The following RAP1GAP2 variants were observed in gnomAD, a reference collection of about 807,000 sequenced individuals.
RAP1GAP2 encodes rap1 GTPase-activating protein 2.
In RAP1GAP2, 27 loss-of-function variants were observed where a neutral mutation model predicts 95.0. The ratio of observed to expected loss-of-function variants is 0.28; its 90% CI spans 0.21 to 0.39. The LOEUF is 0.39. Ranked by LOEUF, RAP1GAP2 falls within the 10% of genes least tolerant of loss-of-function variation. The probability of loss-of-function intolerance (pLI) is 1.00; values close to 1 mark genes in which losing one functional copy is unlikely to be tolerated. For synonymous variants in RAP1GAP2, 373 were observed against 380.9 expected, an observed-to-expected ratio of 0.98 and a Z score of 0.24; for missense variants, 771 against 970.0, an observed-to-expected ratio of 0.79 and a Z score of 2.72.
chr17:2,817,091 G>A (rs1178906596), intron 2 of RAP1GAP2, among the ~76,000 whole-genome samples: 4 of 109,396 alleles, frequency 3.7e-5, no homozygotes, highest in Admixed American at 9.4e-5. Flanking sequence ...AGGCTCAAGC[G>A]TTTCTCGTGC....
At chr17:3,007,788 G>C (rs961820235) in intron 16 of RAP1GAP2, among the ~76,000 whole-genome samples, 7 of 152,138 alleles carry the variant, frequency 4.6e-5, no homozygotes, top group East Asian at 1.9e-4. Flanking sequence ...GGACGACCCA[G>C]GGAGAAGGGC....
chr17:2,993,430 G>A (rs1489639652), intron 12 of RAP1GAP2, among the ~76,000 whole-genome samples: 23 of 136,800 alleles, frequency 1.7e-4, no homozygotes, highest in Admixed American at 8.7e-4. Context: ...AAAATTAGCC[G>A]GGCGTGGTGG....
At chr17:2,969,163 T>TCTATCTATCTATC (rs2044741061) in intron 8 of RAP1GAP2, among the ~76,000 whole-genome samples, 2 of 146,578 alleles carry the variant, frequency 1.4e-5, no homozygotes, top group Non-Finnish European at 3.0e-5. Context: ...ATATTTTTCT[T>TCTATCTATCTATC]TATCTATCTA....
chr17:2,848,482 G>A (rs2071680897), intron 2 of RAP1GAP2, among the ~76,000 whole-genome samples: 1 of 141,134 alleles, frequency 7.1e-6, no homozygotes, highest in Non-Finnish European at 1.5e-5. Context: ...GAGTTTTCCT[G>A]CATCTCTCTC....
chr17:3,033,172 T>C lies in RAP1GAP2; in HGVS notation c.*31-220T>C, dbSNP rs969585850. The C allele has an allele frequency of 6.6e-6, 1 of 152,536 alleles. No homozygotes were observed. Among genetic ancestry groups the C allele is most frequent in the Non-Finnish European group, 1.5e-5 (1 of 68,320 alleles). The allele number at this position is 152,536 out of a possible 1,614,324, so 9.4% of individuals were successfully genotyped here. ...TTCACCCCCGGCTCCCATCACGCAC[T>C]CTGGACGCCACTGCCCACCAAAGCC... On this transcript the variant is annotated intron_variant, in intron 24 of 24. Transcript: ENST00000254695. This position sits in a 1 kb window ranked among gnomAD's most constrained non-coding sequence, Gnocchi z 4.9.
At chr17:2,921,403 A>G (rs570386295) in intron 3 of RAP1GAP2, among the ~76,000 whole-genome samples, 20 of 152,060 alleles carry the variant, frequency 1.3e-4, no homozygotes, top group African/African-American at 4.6e-4. Context: ...GTGTTTTGCC[A>G]TGTTGGTCAG....
chr17:2,776,858 G>A (rs1238813384), upstream of RAP1GAP2, among the ~76,000 whole-genome samples: 1 of 151,472 alleles, frequency 6.6e-6, no homozygotes. Context: ...GGAGGAGGAG[G>A]GGGCTGGGCC....
chr17:2,997,510 T>C, intron 13 of RAP1GAP2, among the ~76,000 whole-genome samples: 1 of 152,318 alleles, frequency 6.6e-6, no homozygotes, highest in African/African-American at 2.4e-5. Flanking sequence ...CGCCTTGCCT[T>C]TTAAATATTC....
At chr17:3,025,960 G>C (rs375347868) in intron 19 of RAP1GAP2, 48 bp from the exon 20 acceptor site, 1 of 1,397,806 alleles carries the variant, frequency 7.2e-7, no homozygotes, top group Non-Finnish European at 1.0e-6. Context: ...ATGGGGTGGG[G>C]GTTGAGGGCT....
chr17:2,923,149 C>T (rs1430870993), intron 3 of RAP1GAP2, among the ~76,000 whole-genome samples: 2 of 151,540 alleles, frequency 1.3e-5, no homozygotes, highest in Admixed American at 6.6e-5. Context: ...AAGTGATTCT[C>T]CTGCCTCAGC....
chr17:2,956,856 T>C (rs567596750), intron 3 of RAP1GAP2, among the ~76,000 whole-genome samples: 24 of 152,142 alleles, frequency 1.6e-4, no homozygotes, highest in Non-Finnish European at 2.8e-4. Flanking sequence ...AGGCTGGGCG[T>C]GGTAGCTCAC....
intron 2 of RAP1GAP2, among the ~76,000 whole-genome samples, chr17:2,803,617 G>A (rs142941280): frequency 1.1e-3 from 166 of 152,314 alleles, no homozygotes; most frequent in African/African-American, 3.8e-3. Flanking sequence ...GATGGCTCAC[G>A]CCTGTAATCC....
At chr17:2,982,413 A>C (rs2045398142) in intron 10 of RAP1GAP2, among the ~76,000 whole-genome samples, 2 of 152,200 alleles carry the variant, frequency 1.3e-5, no homozygotes, top group Admixed American at 6.5e-5. Context: ...CTGGGATTAC[A>C]GGCGTGAGCC....
Position 2,963,469 on chromosome 17 carries a change from G to A in RAP1GAP2, c.279+7G>A. 1 of 1,613,842 alleles carries A rather than the reference G, an allele frequency of 6.2e-7. No individual in the cohort carries two copies. Among genetic ancestry groups the A allele is most frequent in the East Asian group, 2.2e-5 (1 of 44,880 alleles). Reference sequence around the variant, plus strand: ...ATACCCCAGCATCGACGAGGTAGGTGCCCTCCCCTCACTCCCACCTGCCCT... The same window carrying A: ...ATACCCCAGCATCGACGAGGTAGGTACCCTCCCCTCACTCCCACCTGCCCT... On this transcript the variant is annotated splice_region_variant and intron_variant, in intron 6 of 24. Transcript: ENST00000254695. This position sits in a 1 kb window ranked among gnomAD's most constrained non-coding sequence, Gnocchi z 4.8.
At chr17:2,821,834 G>T (rs980755297) in intron 2 of RAP1GAP2, among the ~76,000 whole-genome samples, 3 of 152,158 alleles carry the variant, frequency 2.0e-5, no homozygotes, top group Admixed American at 6.5e-5. Flanking sequence ...CATCATCCCA[G>T]AAAGTTCTAC....
chr17:2,806,577 A>G (rs1209570692), intron 2 of RAP1GAP2, among the ~76,000 whole-genome samples: 1 of 149,336 alleles, frequency 6.7e-6, no homozygotes, highest in African/African-American at 2.5e-5. Context: ...ATTTTTTTTT[A>G]GTAGAGGCGG....
At chr17:2,762,532 G>C (rs1164237685) in intron 1 of RAP1GAP2, among the ~76,000 whole-genome samples, 2 of 151,526 alleles carry the variant, frequency 1.3e-5, no homozygotes, top group Non-Finnish European at 2.9e-5. Flanking sequence ...TGAATAGCTG[G>C]GATTAGAGGT....
intron 10 of RAP1GAP2, 147 bp downstream of exon 10, chr17:2,981,395 A>AC (rs1251184630): frequency 1.4e-6 from 1 of 733,868 alleles, no homozygotes; most frequent in African/African-American, 1.8e-5. Flanking sequence ...CTCCCTGCCC[A>AC]CCCCTTCACA....
At chr17:2,874,447 T>C (rs529541054) in intron 2 of RAP1GAP2, among the ~76,000 whole-genome samples, 86 of 152,162 alleles carry the variant, frequency 5.7e-4, no homozygotes, top group African/African-American at 1.9e-3. Flanking sequence ...GACGGAGGCA[T>C]TGGAAGCTTG....
Sources: gnomAD v4.1 joint callset for allele counts (sites outside exome capture counted in the v4.1 genomes callset) on GRCh38, gnomAD v4.1.1 for gene constraint, Gnocchi (gnomAD v3.1) non-coding constraint, MANE v1.5 for transcripts, NCBI Gene and HGNC (gene_info 2026-07-23, HGNC 2026-07-21) for gene names.